The following ZNF407 variants were observed in gnomAD, a reference collection of about 807,000 sequenced individuals.
ZNF407 encodes the protein zinc finger protein 407.
Under a neutral mutation model 131.2 loss-of-function variants are expected in ZNF407, and 17 were observed. That is an observed-to-expected ratio of 0.13 (90% CI 0.09 to 0.19). ZNF407 has a LOEUF of 0.19. Ranked by LOEUF, ZNF407 falls within the 10% of genes least tolerant of loss-of-function variation. The probability of loss-of-function intolerance (pLI) is 1.00; values close to 1 mark genes in which losing one functional copy is unlikely to be tolerated. For missense variants in ZNF407, 2,681 were observed against 2,830.6 expected, an observed-to-expected ratio of 0.95 and a Z score of 1.20; for synonymous variants, 1,156 against 1,062.0, an observed-to-expected ratio of 1.09 and a Z score of -1.72.
intron 8 of ZNF407, among the ~76,000 whole-genome samples, chr18:74,962,442 C>G (rs1450065685): frequency 6.6e-6 from 1 of 152,180 alleles, no homozygotes; most frequent in Non-Finnish European, 1.5e-5. Flanking sequence ...CACAGAGGAC[C>G]CAGGGGCTAG....
intron 8 of ZNF407, among the ~76,000 whole-genome samples, chr18:74,950,570 G>C (rs193018586): frequency 1.3e-5 from 2 of 152,270 alleles, no homozygotes; most frequent in Admixed American, 1.3e-4. Context: ...GAGAAAGTTT[G>C]GGTCACTGAT....
intron 8 of ZNF407, among the ~76,000 whole-genome samples, chr18:74,957,892 T>A (rs1972294883): frequency 6.6e-6 from 1 of 152,168 alleles, no homozygotes; most frequent in Non-Finnish European, 1.5e-5. Context: ...GGGAAAGTGA[T>A]GATTTGTGGT....
At chr18:74,658,029 T>C (rs761221660) in intron 3 of ZNF407, among the ~76,000 whole-genome samples, 1 of 151,824 alleles carries the variant, frequency 6.6e-6, no homozygotes, top group Non-Finnish European at 1.5e-5. Context: ...CTCTTCTTCA[T>C]GTGGAACTGA....
At chr18:74,653,152 T>C (rs941986882) in intron 3 of ZNF407, among the ~76,000 whole-genome samples, 6 of 151,920 alleles carry the variant, frequency 3.9e-5, no homozygotes, top group Non-Finnish European at 8.8e-5. Context: ...TAGATGTCTG[T>C]GGTAAGGAAA....
chr18:74,915,146 G>A (rs565567798), intron 7 of ZNF407, among the ~76,000 whole-genome samples: 10 of 152,208 alleles, frequency 6.6e-5, no homozygotes, highest in Admixed American at 1.3e-4. Context: ...GAGGTCCCAG[G>A]TGGCAGAAGA....
intron 8 of ZNF407, among the ~76,000 whole-genome samples, chr18:74,960,617 C>G (rs1456718828): frequency 2.0e-3 from 122 of 59,980 alleles, no homozygotes; most frequent in Middle Eastern, 0.01. Context: ...GGTCTTGAGT[C>G]AGTGCTGGGT....
chr18:74,824,868 T>C (rs1425922735), intron 4 of ZNF407, among the ~76,000 whole-genome samples: 1 of 152,038 alleles, frequency 6.6e-6, no homozygotes, highest in African/African-American at 2.4e-5. Context: ...TTTTGTGAGG[T>C]CAACATCATT....
chr18:74,920,413 G>A, intron 7 of ZNF407, 101 bp from the exon 8 acceptor site: 1 of 982,340 alleles, frequency 1.0e-6, no homozygotes, highest in Non-Finnish European at 1.4e-6. Flanking sequence ...ACTTAAAATA[G>A]TACCAAACAC....
intron 4 of ZNF407, among the ~76,000 whole-genome samples, chr18:74,808,961 C>T (rs1970154140): frequency 6.6e-6 from 1 of 152,094 alleles, no homozygotes; most frequent in African/African-American, 2.4e-5. Context: ...TCACCTCCTC[C>T]TCCTCCAAAT....
chr18:74,692,433 C>T (rs1967247811), intron 3 of ZNF407, among the ~76,000 whole-genome samples: 1 of 152,130 alleles, frequency 6.6e-6, no homozygotes. Context: ...TCCTTCCATG[C>T]TCGTGATCTT....
rs374148174 is a variant in ZNF407, at chr18:74,885,035, G to A, written c.5128+3916G>A. On this transcript the variant is annotated intron_variant, in intron 6 of 8. Coordinates refer to ENST00000299687, the MANE Select transcript of ZNF407 (RefSeq NM_017757.3). ...AAACACTTAGATTGAATGGAATAAG[G>A]AGACATCAGAATATATTTGTGAATT... 3.3e-3 allele frequency among the ~76,000 whole-genome samples: 500 copies of A among 152,264 alleles called. 3 individuals carry two copies. Among genetic ancestry groups the A allele is most frequent in the South Asian group, 6.6e-3 (32 of 4,826 alleles).
At chr18:74,668,527 A>G (rs986802416) in intron 3 of ZNF407, among the ~76,000 whole-genome samples, 7 of 152,156 alleles carry the variant, frequency 4.6e-5, no homozygotes, top group African/African-American at 1.4e-4. Flanking sequence ...CTACATCTGT[A>G]TTTATACTCA....
chr18:74,950,482 A>G (rs1002872879), intron 8 of ZNF407, among the ~76,000 whole-genome samples: 2 of 152,136 alleles, frequency 1.3e-5, no homozygotes, highest in Non-Finnish European at 2.9e-5. Context: ...TCATTTATCA[A>G]GGTATGAAAA....
At chr18:75,020,508 A>G (rs1204550180) in intron 8 of ZNF407, among the ~76,000 whole-genome samples, 1 of 152,270 alleles carries the variant, frequency 6.6e-6, no homozygotes, top group East Asian at 1.9e-4. Context: ...GGAAGAAGGA[A>G]AGTTATCTGC....
chr18:75,007,392 T>A (rs750129338), intron 8 of ZNF407, among the ~76,000 whole-genome samples: 10 of 152,204 alleles, frequency 6.6e-5, no homozygotes, highest in Non-Finnish European at 1.3e-4. Context: ...CTAACACCTG[T>A]TATTTCCCTT....
intron 4 of ZNF407, among the ~76,000 whole-genome samples, chr18:74,791,639 C>T (rs1969827904): frequency 6.6e-6 from 1 of 152,148 alleles, no homozygotes; most frequent in South Asian, 2.1e-4. Flanking sequence ...ACTTTATTTT[C>T]AAGGGTCAGA....
chr18:74,969,126 TTTCTG>T (rs1212437480), intron 8 of ZNF407, among the ~76,000 whole-genome samples: 1 of 152,242 alleles, frequency 6.6e-6, no homozygotes, highest in Non-Finnish European at 1.5e-5. Context: ...ATTTTTGTAA[TTTCTG>T]TTCATTTGCT....
intron 7 of ZNF407, among the ~76,000 whole-genome samples, chr18:74,913,499 G>T (rs756173380): frequency 3.9e-5 from 6 of 152,218 alleles, no homozygotes; most frequent in African/African-American, 1.4e-4. Context: ...GCCAGTGTGT[G>T]TGGTGCCCCT....
intron 3 of ZNF407, among the ~76,000 whole-genome samples, chr18:74,771,032 T>C (rs1429822266): frequency 6.6e-6 from 1 of 152,090 alleles, no homozygotes; most frequent in Non-Finnish European, 1.5e-5. Flanking sequence ...TTTCAGATAT[T>C]TTAAATTTTA....
Sources: gnomAD v4.1 joint callset for allele counts (sites outside exome capture counted in the v4.1 genomes callset) on GRCh38, gnomAD v4.1.1 for gene constraint, MANE v1.5 for transcripts, NCBI Gene and HGNC (gene_info 2026-07-23, HGNC 2026-07-21) for gene names.